The following ZKSCAN5 variants were observed in gnomAD, a reference collection of about 807,000 sequenced individuals.
The protein encoded by ZKSCAN5 is zinc finger protein with KRAB and SCAN domains 5.
Under a neutral mutation model 60.0 loss-of-function variants are expected in ZKSCAN5, and 28 were observed. The observed-to-expected ratio is 0.47, with a 90% CI of 0.35 to 0.64. The LOEUF (loss-of-function observed/expected upper bound fraction) is 0.64, where lower values mean the gene tolerates loss of function less well. Among genes scored for constraint, ZKSCAN5 ranks in the 30% least tolerant of loss-of-function variants. The probability of loss-of-function intolerance (pLI) is 0.01; values close to 1 mark genes in which losing one functional copy is unlikely to be tolerated. For missense variants in ZKSCAN5, 881 were observed against 1,034.6 expected, an observed-to-expected ratio of 0.85 and a Z score of 2.04; for synonymous variants, 361 against 371.2, an observed-to-expected ratio of 0.97 and a Z score of 0.31.
At chr7:99,524,222 C>T (rs1220090889) in intron 5 of ZKSCAN5, among the ~76,000 whole-genome samples, 1 of 152,026 alleles carries the variant, frequency 6.6e-6, no homozygotes, top group Non-Finnish European at 1.5e-5. Flanking sequence ...AGGTGTGTGC[C>T]ACGACGCCTG....
rs556972806 is a variant in ZKSCAN5, at chr7:99,515,220, C to T, written c.553+2629C>T. On this transcript the variant is annotated intron_variant, in intron 3 of 6. Coordinates refer to ENST00000326775, the MANE Select transcript of ZKSCAN5 (RefSeq NM_145102.4). ...AGGAGTTTGAGACCAGCCTGGTCAA[C>T]GTGGTGAAACCCCGTCTCTACTAAA... Among the ~76,000 whole-genome samples, 12 of 151,844 alleles carry T rather than the reference C, an allele frequency of 7.9e-5. 1 individual carries two copies. The South Asian group carries it at 8.3e-4, about 10-fold the overall frequency.
At chr7:99,511,026 G>A (rs1240060783) in intron 2 of ZKSCAN5, among the ~76,000 whole-genome samples, 1 of 152,162 alleles carries the variant, frequency 6.6e-6, no homozygotes, top group African/African-American at 2.4e-5. Context: ...TTATAGGCAT[G>A]AGCCATCATG....
rs1802088187 is a variant in ZKSCAN5, at chr7:99,532,234, G to T, written c.2505G>T (p.Glu835Asp). 6.3e-7 allele frequency: 1 copy of T among 1,588,164 alleles called. No homozygotes were observed. ...ATCCCATAAATACCTTAAGTGTAGA[G>T]GGGTCTCTGTTGTAGAATAGCTCTT... ...RTDPINTLSV[E>D]GSLL Residue 835 changes from glutamate to aspartate, a missense_variant, in exon 7 of 7, where the codon GAG becomes GAT. Transcript: ENST00000326775.
chr7:99,531,168 C>A lies in ZKSCAN5; in HGVS notation c.1439C>A (p.Ser480Ter), dbSNP rs1340784895. The change falls in exon 7 of 7, where the codon TCA becomes TAA. Residue 480 changes from serine to a stop codon, truncating the protein, a stop_gained. Transcript: ENST00000326775. LOFTEE classifies it high-confidence loss of function. ...GTTAAGAAGAAAATTTCAGAATATT[C>A]AGAAGCAGACATGGAACTATCTGGA... ...LSVKKKISEY[S>*]EADMELSGKT... 4 of 1,610,296 alleles carry A rather than the reference C, an allele frequency of 2.5e-6. No homozygotes were observed. Among genetic ancestry groups the A allele is most frequent in the Non-Finnish European group, 3.4e-6 (4 of 1,179,182 alleles).
At chr7:99,518,677 T>TC (rs952481697) in intron 3 of ZKSCAN5, among the ~76,000 whole-genome samples, 3 of 143,944 alleles carry the variant, frequency 2.1e-5, no homozygotes, top group African/African-American at 7.7e-5. Flanking sequence ...ATCCTTTTTT[T>TC]TTTTTTTTTT....
chr7:99,511,607 T>A (rs777375952), intron 2 of ZKSCAN5, among the ~76,000 whole-genome samples: 15 of 151,594 alleles, frequency 9.9e-5, no homozygotes, highest in Non-Finnish European at 1.9e-4. Flanking sequence ...CATGCCTGGC[T>A]AATTTTTTAA....
At chr7:99,506,501 G>T in intron 2 of ZKSCAN5, 43 bp downstream of exon 2, 2 of 1,539,692 alleles carry the variant, frequency 1.3e-6, no homozygotes, top group Non-Finnish European at 1.8e-6. Flanking sequence ...GGAGAGGAGT[G>T]AACCATCTGC....
intron 4 of ZKSCAN5, 115 bp downstream of exon 4, chr7:99,520,024 C>G: frequency 6.7e-7 from 1 of 1,489,938 alleles, no homozygotes. Context: ...ATTCCTTTGG[C>G]CTTTTTCCTT....
rs778339867 is a variant in ZKSCAN5, at chr7:99,525,898, C to T, written c.858C>T (p.Thr286=). ...CACACTGGGTGGCGCCAGAACACAC[C>T]GAAAGGAGCGTTCCTCAGGATCCAG... ...SESHWVAPEH[T]ERSVPQDPDF... is the part of the protein sequence containing the mutation. Residue 286 remains threonine, a synonymous_variant, in exon 6 of 7, where the codon ACC becomes ACT. Transcript: ENST00000326775. The T allele has an allele frequency of 1.9e-5, 30 of 1,613,908 alleles. No individual in the cohort carries two copies. The highest frequency in any genetic ancestry group is 2.2e-5 in the East Asian group (1 of 44,862).
rs1414654483 is a variant in ZKSCAN5, at chr7:99,532,109, A to G, written c.2380A>G (p.Ile794Val). 1.2e-6 allele frequency: 2 copies of G among 1,614,222 alleles called. No individual in the cohort carries two copies. The highest frequency in any genetic ancestry group is 1.1e-5 in the South Asian group (1 of 91,086). Residue 794 changes from isoleucine to valine, a missense_variant, in exon 7 of 7, where the codon ATC becomes GTC. Ile to Val is a conservative substitution (Grantham distance 29). This residue lies in a region of ZKSCAN5 where 138 missense variants were observed against 143.8 expected (regional missense o/e 0.96). Transcript: ENST00000326775. ...LKSHLNQHQR[I>V]HTGEKPFQCK... is the part of the protein sequence containing the mutation. ...GTCACATCTTAATCAACATCAGAGA[A>G]TCCATACTGGTGAGAAACCTTTTCA...
intron 3 of ZKSCAN5, 40 bp downstream of exon 3, chr7:99,512,631 AGTGG>A: frequency 6.3e-7 from 1 of 1,599,860 alleles, no homozygotes; most frequent in Non-Finnish European, 8.5e-7. Flanking sequence ...ATAGCTCAAG[AGTGG>A]GTGCCTTGGC....
intron 4 of ZKSCAN5, 118 bp downstream of exon 4, chr7:99,520,027 T>TA: frequency 2.7e-6 from 4 of 1,497,386 alleles, no homozygotes; most frequent in Non-Finnish European, 3.7e-6. Flanking sequence ...CCTTTGGCCT[T>TA]TTTCCTTTCT....
At chr7:99,514,347 C>G (rs575564092) in intron 3 of ZKSCAN5, among the ~76,000 whole-genome samples, 3 of 152,264 alleles carry the variant, frequency 2.0e-5, no homozygotes, top group South Asian at 2.1e-4. Flanking sequence ...AGCTGTCTTT[C>G]TGTGTCATCT....
chr7:99,517,720 G>A (rs776452911), intron 3 of ZKSCAN5, among the ~76,000 whole-genome samples: 114 of 152,050 alleles, frequency 7.5e-4, no homozygotes, highest in Non-Finnish European at 4.7e-4. Context: ...GGTGGTGGGC[G>A]CCTGTAATCC....
Position 99,519,761 on chromosome 7 carries a change from G to T in ZKSCAN5, c.554-66G>T. 3.3e-6 allele frequency: 5 copies of T among 1,495,278 alleles called. No individual in the cohort carries two copies. In the South Asian group the frequency reaches 4.5e-5, roughly 14 times the overall value. The allele number at this position is 1,495,278 out of a possible 1,614,324, so 92.6% of individuals were successfully genotyped here. A position where few individuals can be genotyped will look rare whatever the true frequency, so the allele number is the denominator to read the frequency against. ...CATTATGGATTCCTGAGCATAAGAG[G>T]AACATGATGGCAATGAGAACCGGGC... On this transcript the variant is annotated intron_variant, in intron 3 of 6. Coordinates refer to ENST00000326775, the MANE Select transcript of ZKSCAN5 (RefSeq NM_145102.4).
Position 99,533,818 on chromosome 7 carries a change from A to G in ZKSCAN5, c.*1569A>G. On this transcript the variant is annotated 3_prime_UTR_variant, in exon 7 of 7. Transcript: ENST00000326775. ...CGTTTCCCAAATAAATCACACTGTC[A>G]ATCACATGGTTCTGAATCCCTGTCT... 1 of 393,598 alleles carries G rather than the reference A, an allele frequency of 2.5e-6. No individual in the cohort carries two copies. Among genetic ancestry groups the G allele is most frequent in the Non-Finnish European group, 4.5e-6 (1 of 223,504 alleles). The allele number at this position is 393,598 out of a possible 1,614,324, so 24.4% of individuals were successfully genotyped here.
chr7:99,531,662 C>T lies in ZKSCAN5; in HGVS notation c.1933C>T (p.Arg645Cys), dbSNP rs771119300. 6.8e-6 allele frequency: 11 copies of T among 1,614,114 alleles called. No homozygotes were observed. The highest frequency in any genetic ancestry group is 2.2e-5 in the South Asian group (2 of 91,078). ...CGAATGTGGGAAAGGCTTTGGGAGG[C>T]GTTCCCACCTGGCTGGACATCTTCG... ...CNECGKGFGR[R>C]SHLAGHLRLH... is the part of the protein sequence containing the mutation. Residue 645 changes from arginine (R) to cysteine (C), a missense_variant, in exon 7 of 7, where the codon CGT becomes TGT. Transcript: ENST00000326775.
chr7:99,526,443 G>C (rs761727742), intron 6 of ZKSCAN5, 25 bp downstream of exon 6: 2 of 1,578,042 alleles, frequency 1.3e-6, no homozygotes, highest in East Asian at 2.2e-5. Flanking sequence ...TTTATATCCG[G>C]GGGATAAATG....
At position 99,508,706 on chromosome 7, in the gene ZKSCAN5, G is replaced by A. The variant is rs546865102; in HGVS notation, c.414+2248G>A. Among the ~76,000 whole-genome samples the A allele has an allele frequency of 5.4e-5, 8 of 148,776 alleles. 1 individual carries two copies. Among genetic ancestry groups the A allele is most frequent in the South Asian group, 2.1e-4 (1 of 4,726 alleles). ...AGAGGTTGCAGTGAGCCGAGATTGCGCCACTGCACTCCAGCCTGGGCGATG... is the reference window on the plus strand; with the variant it reads ...AGAGGTTGCAGTGAGCCGAGATTGCACCACTGCACTCCAGCCTGGGCGATG... On this transcript the variant is annotated intron_variant, in intron 2 of 6. Transcript: ENST00000326775.
Sources: gnomAD v4.1 joint callset for allele counts (sites outside exome capture counted in the v4.1 genomes callset) on GRCh38, gnomAD v4.1.1 for gene constraint, gnomAD v4.1.1 regional missense constraint, MANE v1.5 for transcripts, NCBI Gene and HGNC (gene_info 2026-07-23, HGNC 2026-07-21) for gene names.